The following MUC12 variants were observed in gnomAD, a reference collection of about 807,000 sequenced individuals.
The protein encoded by MUC12 is mucin 12, cell surface associated, also known as mucin-12.
MUC12 carries 172 observed loss-of-function variants against 230.8 expected under a neutral mutation model. The ratio of observed to expected loss-of-function variants is 0.75; its 90% CI spans 0.66 to 0.85. The LOEUF (loss-of-function observed/expected upper bound fraction) is 0.85, where lower values mean the gene tolerates loss of function less well. Ranked by LOEUF, MUC12 falls within the 40% of genes least tolerant of loss-of-function variation. The pLI, the probability that MUC12 is intolerant of heterozygous loss-of-function variation, is 0.00. For synonymous variants in MUC12, 1,259 were observed against 2,401.9 expected (o/e 0.52, Z 13.91); for missense variants, 3,506 against 5,920.6 (o/e 0.59, Z 13.38).
chr7:101,004,894 C>G lies in MUC12; in HGVS notation c.14331C>G (p.His4777Gln), dbSNP rs1562791781. Residue 4777 changes from histidine to glutamine, a missense_variant, in exon 2 of 12, where the codon CAC (histidine) becomes CAG (glutamine). Coordinates refer to ENST00000536621, the MANE Select transcript of MUC12 (RefSeq NM_001164462.2). ...TGTATAGCCAAGCAGAGTCAACACA[C>G]ACAACAGCGTTCCCTGCCAGCACCA... ...TSLYSQAEST[H>Q]TTAFPASTTT... is the part of the protein sequence containing the mutation. The G allele has an allele frequency of 6.5e-7, 1 of 1,537,740 alleles. No individual in the cohort carries two copies. Among genetic ancestry groups the G allele is most frequent in the Non-Finnish European group, 8.7e-7 (1 of 1,147,024 alleles).
intron 1 of MUC12, chr7:100,972,266 T>C (rs902591354): frequency 1.4e-6 from 1 of 700,632 alleles, no homozygotes; most frequent in Admixed American, 2.0e-5. Context: ...CAGCAAATAA[T>C]GAACACGGCC....
chr7:100,971,149 T>C (rs1442347183), intron 1 of MUC12, among the ~76,000 whole-genome samples: 2 of 26,094 alleles, frequency 7.7e-5, no homozygotes, highest in African/African-American at 2.7e-4. Context: ...AGCGAGACTC[T>C]CTCAAAAAAA....
At chr7:100,980,544 C>A (rs983479698) in intron 1 of MUC12, among the ~76,000 whole-genome samples, 1 of 152,064 alleles carries the variant, frequency 6.6e-6, no homozygotes, top group African/African-American at 2.4e-5. Flanking sequence ...TAATAAGTAA[C>A]GAGGCAATAA....
chr7:101,012,681 C>A (rs1015817564), intron 6 of MUC12, 138 bp from the exon 7 acceptor site: 3 of 1,043,036 alleles, frequency 2.9e-6, no homozygotes, highest in African/African-American at 3.2e-5. Flanking sequence ...AGCCCAGCTG[C>A]ATGTCTAGGG....
At chr7:100,989,603 A>G (rs1449829323) in intron 1 of MUC12, among the ~76,000 whole-genome samples, 5 of 152,174 alleles carry the variant, frequency 3.3e-5, no homozygotes. Flanking sequence ...TAGGGTGGAA[A>G]GAGCAGGCAA....
At chr7:101,015,792 T>C (rs112117187) in intron 10 of MUC12, 101 bp downstream of exon 10, 1 of 1,058,624 alleles carries the variant, frequency 9.4e-7, no homozygotes, top group Non-Finnish European at 1.4e-6. Flanking sequence ...CAGCCCCCCT[T>C]TGGGGTGGCT....
In MUC12 at chr7:100,992,023, C is replaced by A; in HGVS notation, c.1460C>A (p.Pro487Gln). Residue 487 changes from proline to glutamine, a missense_variant, in exon 2 of 12, where the codon CCA (proline) becomes CAA (glutamine). By Grantham distance (76) the Pro-to-Gln change is moderately conservative. Coordinates refer to ENST00000536621, the MANE Select transcript of MUC12 (RefSeq NM_001164462.2). ...GCGTTACCCGGCAGTACCACAAAACCAGGCCTCAGTGAGAAATCTACCACT... is the reference window on the plus strand; with the variant it reads ...GCGTTACCCGGCAGTACCACAAAACAAGGCCTCAGTGAGAAATCTACCACT... ...TTALPGSTTK[P>Q]GLSEKSTTFY... 1 of 1,537,982 alleles carries A rather than the reference C, an allele frequency of 6.5e-7. No individual in the cohort carries two copies. Among genetic ancestry groups the A allele is most frequent in the Non-Finnish European group, 8.7e-7 (1 of 1,147,072 alleles).
At chr7:100,969,785 C>A (rs1792812889) in intron 1 of MUC12, 96 bp downstream of exon 1, 2 of 1,502,458 alleles carry the variant, frequency 1.3e-6, no homozygotes, top group African/African-American at 1.4e-5. Flanking sequence ...GTGGCCTCCT[C>A]CCCTTTGCAT....
rs765862281 is a variant in MUC12 at position 100,991,478 on chromosome 7, T to C, written c.915T>C (p.Tyr305=). The change falls in exon 2 of 12, where the codon TAT becomes TAC. Residue 305 remains tyrosine, a synonymous_variant. Coordinates refer to ENST00000536621, the MANE Select transcript of MUC12 (RefSeq NM_001164462.2). The part of the protein sequence containing the change: ...TSAFVKLSTT[Y]HSSPSSTPTT... ...CCTTTGTTAAACTATCTACAACTTA[T>C]CACAGCAGCCCGAGCTCAACTCCAA... The C allele has an allele frequency of 2.1e-5, 32 of 1,537,344 alleles. No homozygotes were observed. In the East Asian group the frequency reaches 2.4e-4, roughly 12 times the overall value.
chr7:101,017,390 C>T (rs1793948021), intron 10 of MUC12, 185 bp from the exon 11 acceptor site: 1 of 558,300 alleles, frequency 1.8e-6, no homozygotes, highest in South Asian at 2.2e-5. Flanking sequence ...CAGCGGGCGG[C>T]TCCCCAGGCA....
Position 100,992,422 on chromosome 7 carries a change from C to A in MUC12, c.1859C>A (p.Ser620Tyr), listed in dbSNP as rs1358045734. 6 of 1,537,946 alleles carry A rather than the reference C, an allele frequency of 3.9e-6. No homozygotes were observed. The highest frequency in any genetic ancestry group is 4.4e-6 in the Non-Finnish European group (5 of 1,147,050). The change falls in exon 2 of 12, where the codon TCC becomes TAC. Residue 620 changes from serine to tyrosine, a missense_variant. By Grantham distance (144) the Ser-to-Tyr change is moderately radical (BLOSUM62 -2). Transcript: ENST00000536621. ...SSTRSPHTTL[S>Y]PAGSTTRQGE... ...ACCAGATCGCCACACACAACACTGT[C>A]CCCTGCCGGCTCTACAACCCGTCAG...
chr7:100,988,289 G>GAAA (rs1167163725), intron 1 of MUC12, among the ~76,000 whole-genome samples: 15 of 78,712 alleles, frequency 1.9e-4, no homozygotes, highest in Non-Finnish European at 2.1e-4. Flanking sequence ...GGCTGTCCCA[G>GAAA]AAAAAAAAAA....
rs370245340 is a variant in MUC12 at position 100,991,111 on chromosome 7, G to A, written c.548G>A (p.Ser183Asn). Residue 183 changes from serine (S) to asparagine (N), a missense_variant, in exon 2 of 12, where the codon AGT (serine) becomes AAT (asparagine). Physicochemically the swap from Ser to Asn is conservative, Grantham distance 46. Coordinates refer to ENST00000536621, the MANE Select transcript of MUC12 (RefSeq NM_001164462.2). ...GPTHTIAFPD[S>N]TTMPGVSQES... Reference sequence around the variant, plus strand: ...ACGCACACAATAGCGTTCCCTGACAGTACCACCATGCCAGGCGTCAGTCAG... The same window carrying A: ...ACGCACACAATAGCGTTCCCTGACAATACCACCATGCCAGGCGTCAGTCAG... The A allele has an allele frequency of 2.0e-6, 3 of 1,537,428 alleles. No individual in the cohort carries two copies. The highest frequency in any genetic ancestry group is 8.7e-7 in the Non-Finnish European group (1 of 1,146,868).
chr7:100,982,349 GTTC>G lies in MUC12; in HGVS notation c.68-8277_68-8275del, dbSNP rs1793121485. Among the ~76,000 whole-genome samples the G allele has an allele frequency of 2.0e-5, 3 of 152,020 alleles. No individual in the cohort carries two copies. In the South Asian group the frequency reaches 6.2e-4, roughly 32 times the overall value. The stretch of plus-strand genomic sequence containing the variant: ...TCACCTCTGGGACCCCACACATGGT[GTTC>G]TTCTGCCCTGAAAACCTTCCCTTTC... On this transcript the variant is annotated intron_variant, in intron 1 of 11. Transcript: ENST00000536621.
rs78462843 is a variant in MUC12 at position 101,000,294 on chromosome 7, C to T, written c.9731C>T (p.Thr3244Ile). Residue 3244 changes from threonine to isoleucine, a missense_variant, in exon 2 of 12, where the codon ACC (threonine) becomes ATC (isoleucine). By Grantham distance (89) the Thr-to-Ile change is moderately conservative. Coordinates refer to ENST00000536621, the MANE Select transcript of MUC12 (RefSeq NM_001164462.2). ...AGSTTRQGESTTFQSWPNSKD... is the reference protein window; with the variant it reads ...AGSTTRQGESITFQSWPNSKD... ...TCTACAACCCGTCAGGGAGAATCTA[C>T]CACCTTCCAGAGCTGGCCTAACTCG... The T allele has an allele frequency of 5.8e-3, 8,609 of 1,487,248 alleles. No homozygotes were observed. Among genetic ancestry groups the T allele is most frequent in the Middle Eastern group, 0.013 (71 of 5,618 alleles). The allele number at this position is 1,487,248 out of a possible 1,614,324, so 92.1% of individuals were successfully genotyped here. A position where few individuals can be genotyped will look rare whatever the true frequency, so the allele number is the denominator to read the frequency against.
chr7:100,983,885 C>T (rs1168695821), intron 1 of MUC12, among the ~76,000 whole-genome samples: 2 of 152,132 alleles, frequency 1.3e-5, no homozygotes, highest in Non-Finnish European at 1.5e-5. Flanking sequence ...AAGAGACTCC[C>T]ATTTTTAAAA....
In MUC12 at chr7:101,015,530, C is replaced by T. The variant is rs1186420344; in HGVS notation, c.15801-85C>T. 6 of 1,179,574 alleles carry T rather than the reference C, an allele frequency of 5.1e-6. No homozygotes were observed. The East Asian group carries it at 1.5e-4, about 30-fold the overall frequency. 73.1% of individuals were successfully genotyped at this position (1,179,574 alleles called of 1,614,324 possible). A position where few individuals can be genotyped will look rare whatever the true frequency, so the allele number is the denominator to read the frequency against. Reference sequence around the variant, plus strand: ...ACTCGGGGTGTGGCTGTGACTGTCCCCTCGAGGGAAGCTGAAGGTCAGGGT... The same window carrying T: ...ACTCGGGGTGTGGCTGTGACTGTCCTCTCGAGGGAAGCTGAAGGTCAGGGT... On this transcript the variant is annotated intron_variant, in intron 9 of 11. Transcript: ENST00000536621.
chr7:100,982,433 T>C (rs1159875151), intron 1 of MUC12, among the ~76,000 whole-genome samples: 1 of 147,234 alleles, frequency 6.8e-6, no homozygotes, highest in East Asian at 2.0e-4. Flanking sequence ...CATTTTTCTT[T>C]TCTTTTCTTT....
chr7:100,982,169 C>CAGGGCACAGCTTCT (rs1793118953), intron 1 of MUC12, among the ~76,000 whole-genome samples: 2 of 151,838 alleles, frequency 1.3e-5, no homozygotes, highest in Admixed American at 1.3e-4. Flanking sequence ...GCCCAGCCTC[C>CAGGGCACAGCTTCT]AGGGCACAGC....
Sources: allele counts gnomAD v4.1 joint callset (sites outside exome capture counted in the v4.1 genomes callset), GRCh38; gene constraint gnomAD v4.1.1; transcripts MANE v1.5; gene names NCBI Gene and HGNC (gene_info 2026-07-23, HGNC 2026-07-21).